Variants in ADAM12 observed in about 807,000 individuals in gnomAD.
The protein encoded by ADAM12 is disintegrin and metalloproteinase domain-containing protein 12.
ADAM12 carries 70 observed loss-of-function variants against 106.4 expected under a neutral mutation model. The ratio of observed to expected loss-of-function variants is 0.66; its 90% CI spans 0.54 to 0.80. ADAM12 has a LOEUF of 0.80. ADAM12 is among the 30% of genes least tolerant of loss of function. ADAM12 has a pLI of 0.00. For synonymous variants in ADAM12, 420 were observed against 433.5 expected, an observed-to-expected ratio of 0.97 and a Z score of 0.39; for missense variants, 1,010 against 1,171.9, an observed-to-expected ratio of 0.86 and a Z score of 2.02.
chr10:126,203,952 G>C (rs1196420967), intron 3 of ADAM12, among the ~76,000 whole-genome samples: 1 of 152,186 alleles, frequency 6.6e-6, no homozygotes, highest in Non-Finnish European at 1.5e-5. Flanking sequence ...GTGTGTGTGT[G>C]TGTGTGTGTG....
chr10:126,042,137 T>G (rs1186177869), intron 18 of ADAM12: 1 of 1,613,586 alleles, frequency 6.2e-7, no homozygotes, highest in Middle Eastern at 1.7e-4. Context: ...AGGGCTCAGA[T>G]GAGTGTCAGT....
chr10:126,152,589 A>T (rs1674908), intron 4 of ADAM12, among the ~76,000 whole-genome samples: 65,553 of 150,624 alleles, frequency 0.44, 14,780 homozygotes, highest in East Asian at 0.77. Flanking sequence ...CTTTTTTTTT[A>T]ATTAAGATTT....
intron 20 of ADAM12, among the ~76,000 whole-genome samples, chr10:126,037,090 G>C (rs2133400596): frequency 6.6e-6 from 1 of 152,216 alleles, no homozygotes; most frequent in South Asian, 2.1e-4. Context: ...TGTCAGAATT[G>C]TATATAAGTG....
chr10:126,043,026 G>T lies in ADAM12; in HGVS notation c.2104+14C>A. On this transcript the variant is annotated intron_variant, in intron 18 of 22. Transcript: ENST00000448723. The surrounding 1 kb of genome is among the most constrained non-coding windows in gnomAD (Gnocchi z 4.1). The stretch of plus-strand genomic sequence containing the variant: ...CTCAGCCTCCTCCCACCGGGATGCA[G>T]GGGCTTCACTGACCTGCTTGCCGGA... 1 of 1,613,100 alleles carries T rather than the reference G, an allele frequency of 6.2e-7. No homozygotes were observed. Among genetic ancestry groups the T allele is most frequent in the Admixed American group, 1.7e-5 (1 of 59,932 alleles).
At chr10:126,281,197 ATG>A (rs1459092425) in intron 2 of ADAM12, among the ~76,000 whole-genome samples, 1 of 152,132 alleles carries the variant, frequency 6.6e-6, no homozygotes, top group Non-Finnish European at 1.5e-5. Context: ...AGAACAAAAT[ATG>A]TCTCAATATT....
At chr10:126,082,380 T>TG (rs1955242480) in intron 11 of ADAM12, among the ~76,000 whole-genome samples, 1 of 147,096 alleles carries the variant, frequency 6.8e-6, no homozygotes, top group Non-Finnish European at 1.5e-5. Context: ...TTTTTTTTTT[T>TG]TTTTTTTATG....
At chr10:126,121,111 G>GAA (rs1956086345) in intron 5 of ADAM12, among the ~76,000 whole-genome samples, 1 of 23,786 alleles carries the variant, frequency 4.2e-5, no homozygotes, top group African/African-American at 1.3e-4. Flanking sequence ...ATTATATATA[G>GAA]TATATATATA....
intron 21 of ADAM12, among the ~76,000 whole-genome samples, chr10:126,034,569 T>C (rs191019747): frequency 6.6e-6 from 1 of 152,174 alleles, no homozygotes; most frequent in Admixed American, 6.5e-5. Flanking sequence ...TCCAAACATA[T>C]CAACAATTGC....
At position 126,019,617 on chromosome 10, in the gene ADAM12, G is replaced by A. The variant is rs190745232; in HGVS notation, c.2660+78C>T. Reference sequence around the variant, plus strand: ...GCACGGCCTAGACCACTGCACCCCTGTCCTGGCTTGGATTAGTCGTGGTTG... The same window carrying A: ...GCACGGCCTAGACCACTGCACCCCTATCCTGGCTTGGATTAGTCGTGGTTG... On this transcript the variant is annotated intron_variant, in intron 22 of 22. Coordinates refer to ENST00000448723, the MANE Select transcript of ADAM12 (RefSeq NM_001288973.2). 7.2e-4 allele frequency: 1,121 copies of A among 1,553,664 alleles called. 4 individuals carry two copies. Among genetic ancestry groups the A allele is most frequent in the Non-Finnish European group, 9.1e-4 (1,039 of 1,143,568 alleles).
intron 3 of ADAM12, among the ~76,000 whole-genome samples, chr10:126,189,841 A>C (rs567685764): frequency 9.9e-5 from 15 of 152,150 alleles, no homozygotes; most frequent in Non-Finnish European, 5.9e-5. Flanking sequence ...CCTCCTGCAG[A>C]ACCTTCCTGA....
At chr10:126,139,589 C>T (rs573968015) in intron 4 of ADAM12, among the ~76,000 whole-genome samples, 1 of 152,044 alleles carries the variant, frequency 6.6e-6, no homozygotes, top group South Asian at 2.1e-4. Flanking sequence ...TATGCAGGGG[C>T]CATGGCAGGA....
chr10:126,109,453 T>G (rs1339265000), intron 7 of ADAM12, among the ~76,000 whole-genome samples: 2 of 152,330 alleles, frequency 1.3e-5, no homozygotes, highest in Admixed American at 1.3e-4. Flanking sequence ...TTTTAAAGAC[T>G]AAACTTTTCC....
rs554356937 is a variant in ADAM12 at position 126,325,964 on chromosome 10, G to A, written c.186+4448C>T. ...AGTGCAAGCTCTCCAACACACACAAGGTCACCTCCTTTCCTGTCCCTCTAC... is the reference window on the plus strand; with the variant it reads ...AGTGCAAGCTCTCCAACACACACAAAGTCACCTCCTTTCCTGTCCCTCTAC... On this transcript the variant is annotated intron_variant, in intron 2 of 22. Coordinates refer to ENST00000448723, the MANE Select transcript of ADAM12 (RefSeq NM_001288973.2). Among the ~76,000 whole-genome samples, 5 of 152,282 alleles carry A rather than the reference G, an allele frequency of 3.3e-5. No homozygotes were observed. The South Asian group carries it at 1.0e-3, about 32-fold the overall frequency.
At chr10:126,103,704 G>A (rs1955711483) in intron 8 of ADAM12, among the ~76,000 whole-genome samples, 1 of 152,194 alleles carries the variant, frequency 6.6e-6, no homozygotes, top group Non-Finnish European at 1.5e-5. Flanking sequence ...AGAAGCTCAC[G>A]GGCCTCTGCT....
At chr10:126,174,906 CCA>C (rs1267906820) in intron 3 of ADAM12, among the ~76,000 whole-genome samples, 4 of 152,084 alleles carry the variant, frequency 2.6e-5, no homozygotes, top group Admixed American at 2.0e-4. Context: ...GCACCTGCCA[CCA>C]CGCCCGGCTA....
rs1488927124 is a variant in ADAM12, at chr10:126,066,714, C to T, written c.1413+3G>A. On this transcript the variant is annotated splice_donor_region_variant and intron_variant, in intron 13 of 22. Coordinates refer to ENST00000448723, the MANE Select transcript of ADAM12 (RefSeq NM_001288973.2). The surrounding 1 kb of genome is among the most constrained non-coding windows in gnomAD (Gnocchi z 5.1). The stretch of plus-strand genomic sequence containing the variant: ...GGGTCAAGTTGTAGCTCCGGTGACT[C>T]ACCTGGCAGTCTTCACAGCACAGCC... The T allele has an allele frequency of 6.2e-7, 1 of 1,614,014 alleles. No individual in the cohort carries two copies. The highest frequency in any genetic ancestry group is 2.2e-5 in the East Asian group (1 of 44,888).
At position 126,108,549 on chromosome 10, in the gene ADAM12, C is replaced by T. The variant is rs1403898145; in HGVS notation, c.741+44G>A. On this transcript the variant is annotated intron_variant, in intron 8 of 22. Coordinates refer to ENST00000448723, the MANE Select transcript of ADAM12 (RefSeq NM_001288973.2). ...GAGGTCCCCCAACCTCATTTCCAAACATTTACATGATCTGAATGATTTAAC... is the reference window on the plus strand; with the variant it reads ...GAGGTCCCCCAACCTCATTTCCAAATATTTACATGATCTGAATGATTTAAC... 3.8e-6 allele frequency: 6 copies of T among 1,568,450 alleles called. No homozygotes were observed. In the Admixed American group the frequency reaches 5.0e-5, roughly 13 times the overall value.
At chr10:126,125,851 A>G (rs1393164488) in intron 5 of ADAM12, among the ~76,000 whole-genome samples, 1 of 151,722 alleles carries the variant, frequency 6.6e-6, no homozygotes, top group Non-Finnish European at 1.5e-5. Context: ...GAGGAGACAC[A>G]CAGACGTAGG....
At chr10:126,245,037 T>C (rs998812722) in intron 3 of ADAM12, among the ~76,000 whole-genome samples, 1 of 151,952 alleles carries the variant, frequency 6.6e-6, no homozygotes. Flanking sequence ...AGAAGGAAGA[T>C]GGTAAGCAGG....
Sources: gnomAD v4.1 joint callset for allele counts (sites outside exome capture counted in the v4.1 genomes callset) on GRCh38, gnomAD v4.1.1 for gene constraint, Gnocchi (gnomAD v3.1) non-coding constraint, MANE v1.5 for transcripts, NCBI Gene and HGNC (gene_info 2026-07-23, HGNC 2026-07-21) for gene names.